The following EML6 variants were observed in gnomAD, a reference collection of about 807,000 sequenced individuals.
The protein encoded by EML6 is echinoderm microtubule-associated protein-like 6.
Under a neutral mutation model 240.1 loss-of-function variants are expected in EML6, and 154 were observed. The observed-to-expected ratio is 0.64, with a 90% CI of 0.56 to 0.73. The LOEUF (loss-of-function observed/expected upper bound fraction) is 0.73. EML6 is among the 30% of genes least tolerant of loss of function. The pLI is 0.00. For missense variants in EML6, 2,964 were observed against 2,474.6 expected, an observed-to-expected ratio of 1.20 and a Z score of -4.20; for synonymous variants, 1,148 against 899.0, an observed-to-expected ratio of 1.28 and a Z score of -4.95.
chr2:54,891,504 G>A (rs1004099268), intron 18 of EML6, among the ~76,000 whole-genome samples: 2 of 152,242 alleles, frequency 1.3e-5, no homozygotes, highest in South Asian at 4.1e-4. Flanking sequence ...TATTTGGATG[G>A]TTCCTTTATT....
chr2:54,884,199 G>T (rs568681413), intron 17 of EML6, among the ~76,000 whole-genome samples: 4 of 151,730 alleles, frequency 2.6e-5, no homozygotes, highest in Non-Finnish European at 5.9e-5. Context: ...CAGAGAACTC[G>T]GACATACTTA....
rs529238877 is a variant in EML6, at chr2:54,818,127, G to C, written c.456+1242G>C. Among the ~76,000 whole-genome samples the C allele has an allele frequency of 1.1e-4, 17 of 152,248 alleles. No homozygotes were observed. In the East Asian group the frequency reaches 2.5e-3, roughly 22 times the overall value. Reference sequence around the variant, plus strand: ...TCTGACCTGAACTAGTATACTGTCTGTCAGAATTTTGGGCCTTATCACCTT... The same window carrying C: ...TCTGACCTGAACTAGTATACTGTCTCTCAGAATTTTGGGCCTTATCACCTT... On this transcript the variant is annotated intron_variant, in intron 4 of 41. Coordinates refer to ENST00000356458, the MANE Select transcript of EML6 (RefSeq NM_001039753.4).
chr2:54,878,629 G>A (rs918487660), intron 16 of EML6, among the ~76,000 whole-genome samples: 1 of 152,144 alleles, frequency 6.6e-6, no homozygotes, highest in African/African-American at 2.4e-5. Context: ...AGTAATCATG[G>A]ATAATTATTA....
At chr2:54,738,278 T>C (rs1321100804) in intron 2 of EML6, among the ~76,000 whole-genome samples, 1 of 152,208 alleles carries the variant, frequency 6.6e-6, no homozygotes, top group Non-Finnish European at 1.5e-5. Context: ...GAAAGACTTG[T>C]GCATGACTTT....
intron 2 of EML6, among the ~76,000 whole-genome samples, chr2:54,757,377 A>G (rs1349738555): frequency 1.3e-5 from 2 of 152,136 alleles, no homozygotes; most frequent in Non-Finnish European, 2.9e-5. Context: ...CGCCTTTGCA[A>G]TGGAGGATGC....
In EML6 at chr2:54,766,974, G is replaced by A. The variant is rs117814564; in HGVS notation, c.197+41716G>A. Among the ~76,000 whole-genome samples, 17 of 152,076 alleles carry A rather than the reference G, an allele frequency of 1.1e-4. No individual in the cohort carries two copies. The East Asian group carries it at 3.3e-3, about 29-fold the overall frequency. On this transcript the variant is annotated intron_variant, in intron 2 of 41. Transcript: ENST00000356458. The stretch of plus-strand genomic sequence containing the variant: ...ATGGATCATCTGCTATCCTTTGTTT[G>A]CAATAGCAGCTAAAAGTAGCACCAA...
At chr2:54,889,810 G>A (rs1342940368) in intron 17 of EML6, among the ~76,000 whole-genome samples, 1 of 152,178 alleles carries the variant, frequency 6.6e-6, no homozygotes, top group African/African-American at 2.4e-5. Context: ...GATGTTAAAT[G>A]GTAGTGGTAA....
rs947251614 is a variant in EML6 at position 54,928,495 on chromosome 2, C to G, written c.3858C>G (p.Thr1286=). 6.5e-7 allele frequency: 1 copy of G among 1,545,546 alleles called. No individual in the cohort carries two copies. Among genetic ancestry groups the G allele is most frequent in the East Asian group, 2.4e-5 (1 of 40,828 alleles). The part of the protein sequence containing the change: ...SKLVDSEESD[T]DVEEDGGYDS... Reference sequence around the variant, plus strand: ...TGGTGGACAGCGAGGAGTCAGACACCGACGTGGAAGAGGATGGAGGTGAGC... The same window carrying G: ...TGGTGGACAGCGAGGAGTCAGACACGGACGTGGAAGAGGATGGAGGTGAGC... The change falls in exon 27 of 42, where the codon ACC becomes ACG. Residue 1286 remains threonine (T), a synonymous_variant. Transcript: ENST00000356458.
chr2:54,929,972 C>G (rs970124083), intron 28 of EML6, among the ~76,000 whole-genome samples: 1 of 152,002 alleles, frequency 6.6e-6, no homozygotes, highest in Non-Finnish European at 1.5e-5. Flanking sequence ...TTTAAAAGTC[C>G]TAATTCTAAG....
At chr2:54,895,145 C>A in intron 20 of EML6, 119 bp downstream of exon 20, 1 of 1,323,932 alleles carries the variant, frequency 7.6e-7, no homozygotes, top group African/African-American at 1.5e-5. Flanking sequence ...GTTTAGAACT[C>A]TCTTCCTCTG....
chr2:54,827,799 A>G (rs1233742562), intron 6 of EML6, 48 bp downstream of exon 6: 1 of 1,338,932 alleles, frequency 7.5e-7, no homozygotes, highest in East Asian at 2.5e-5. Flanking sequence ...CAAATAAGGT[A>G]AGACCACGAA....
At chr2:54,802,248 TAC>T (rs1291490777) in intron 2 of EML6, among the ~76,000 whole-genome samples, 2 of 152,104 alleles carry the variant, frequency 1.3e-5, no homozygotes, top group African/African-American at 2.4e-5. Flanking sequence ...AAGAATGAAA[TAC>T]AGTTTTTATT....
Position 54,871,571 on chromosome 2 carries a change from A to G in EML6, c.2310A>G (p.Gln770=). The G allele has an allele frequency of 2.6e-6, 4 of 1,551,700 alleles. No homozygotes were observed. Among genetic ancestry groups the G allele is most frequent in the Non-Finnish European group, 3.5e-6 (4 of 1,146,924 alleles). The part of the protein sequence containing the change: ...TLKCLSLLKG[Q]HQRGVCALDF... Reference sequence around the variant, plus strand: ...AATGTTTGTCGCTGTTGAAAGGACAACATCAGAGAGGAGTGTGTGCACTTG... The same window carrying G: ...AATGTTTGTCGCTGTTGAAAGGACAGCATCAGAGAGGAGTGTGTGCACTTG... Residue 770 remains glutamine (Q), a synonymous_variant, in exon 16 of 42, where the codon CAA becomes CAG. Transcript: ENST00000356458.
intron 2 of EML6, among the ~76,000 whole-genome samples, chr2:54,777,122 A>G (rs1384122389): frequency 6.6e-6 from 1 of 152,212 alleles, no homozygotes; most frequent in Non-Finnish European, 1.5e-5. Context: ...GGAGTCCCCA[A>G]AGACTCTAAC....
chr2:54,792,578 C>T (rs187524574), intron 2 of EML6, among the ~76,000 whole-genome samples: 16 of 152,278 alleles, frequency 1.1e-4, no homozygotes, highest in Non-Finnish European at 1.5e-4. Flanking sequence ...AGAACTGTTG[C>T]GTATCTGCAT....
chr2:54,829,531 G>A, intron 7 of EML6, 54 bp downstream of exon 7: 1 of 1,404,380 alleles, frequency 7.1e-7, no homozygotes. Flanking sequence ...ATAATGTGAA[G>A]TTCTGTATTC....
At chr2:54,777,873 T>C (rs558375503) in intron 2 of EML6, among the ~76,000 whole-genome samples, 1 of 152,356 alleles carries the variant, frequency 6.6e-6, no homozygotes, top group South Asian at 2.1e-4. Flanking sequence ...AAATTTCTTC[T>C]GACATCAAAA....
chr2:54,907,940 A>AT (rs1254244296), intron 24 of EML6, among the ~76,000 whole-genome samples: 32 of 22,248 alleles, frequency 1.4e-3, no homozygotes, highest in Non-Finnish European at 2.6e-3. Context: ...AGATAGATAG[A>AT]TAGATAAGAT....
In EML6 at chr2:54,962,900, A is replaced by G. The variant is rs989157087; in HGVS notation, c.5157+189A>G. ...CCCCGTCTAAACAATATAATTGAGAAGGATTATTCTGTTGTCATGAAAGAA... is the reference window on the plus strand; with the variant it reads ...CCCCGTCTAAACAATATAATTGAGAGGGATTATTCTGTTGTCATGAAAGAA... On this transcript the variant is annotated intron_variant, in intron 36 of 41. Coordinates refer to ENST00000356458, the MANE Select transcript of EML6 (RefSeq NM_001039753.4). 3.3e-5 allele frequency among the ~76,000 whole-genome samples: 5 copies of G among 152,244 alleles called. 1 individual carries two copies. The highest frequency in any genetic ancestry group is 7.3e-5 in the Non-Finnish European group (5 of 68,038).
Sources: allele counts gnomAD v4.1 joint callset (sites outside exome capture counted in the v4.1 genomes callset), GRCh38; gene constraint gnomAD v4.1.1; transcripts MANE v1.5; gene names NCBI Gene and HGNC (gene_info 2026-07-23, HGNC 2026-07-21).